Variants in RANBP3L observed in about 807,000 individuals in gnomAD.
RANBP3L encodes the protein RAN binding protein 3 like.
RANBP3L carries 56 observed loss-of-function variants against 67.2 expected under a neutral mutation model. That is an observed-to-expected ratio of 0.83 (90% CI 0.67 to 1.04). The LOEUF (loss-of-function observed/expected upper bound fraction) is 1.04, where lower values mean the gene tolerates loss of function less well. Among genes scored for constraint, RANBP3L ranks in the 50% least tolerant of loss-of-function variants. RANBP3L has a pLI of 0.00. For synonymous variants in RANBP3L, 164 were observed against 181.4 expected (o/e 0.90, Z 0.77); for missense variants, 496 against 535.5 (o/e 0.93, Z 0.73).
Position 36,293,978 on chromosome 5 carries a change from A to G in RANBP3L, c.91+7348T>C, listed in dbSNP as rs185096109. Among the ~76,000 whole-genome samples, 1,876 of 152,058 alleles carry G rather than the reference A, an allele frequency of 0.012. 168 individuals are homozygous for G. In the East Asian group the frequency reaches 0.23, roughly 19 times the overall value. Reference sequence around the variant, plus strand: ...TTGGAATAGTTTCAGAAGGAATGGTACCAGTTCCTCCTTGTACCTCTGATA... The same window carrying G: ...TTGGAATAGTTTCAGAAGGAATGGTGCCAGTTCCTCCTTGTACCTCTGATA... On this transcript the variant is annotated intron_variant, in intron 1 of 13. Transcript: ENST00000296604.
In RANBP3L at chr5:36,301,612, A is replaced by G. The variant is rs1752623427; in HGVS notation, c.-196T>C. On this transcript the variant is annotated 5_prime_UTR_variant, in exon 1 of 14. Coordinates refer to ENST00000296604, the MANE Select transcript of RANBP3L (RefSeq NM_145000.5). The stretch of plus-strand genomic sequence containing the variant: ...TGATTCTTGAAATAAATAATCACCA[A>G]TGTTACTTCTCCTAAATATAAAGAT... 1.2e-5 allele frequency: 6 copies of G among 492,502 alleles called. No individual in the cohort carries two copies. The highest frequency in any genetic ancestry group is 7.9e-5 in the South Asian group (2 of 25,348). The allele number at this position is 492,502 out of a possible 1,614,324, so 30.5% of individuals were successfully genotyped here. A position where few individuals can be genotyped will look rare whatever the true frequency, so the allele number is the denominator to read the frequency against.
At chr5:36,261,230 G>A (rs1024983945) in intron 7 of RANBP3L, among the ~76,000 whole-genome samples, 4 of 152,260 alleles carry the variant, frequency 2.6e-5, no homozygotes, top group East Asian at 3.9e-4. Context: ...AGCAACCAGA[G>A]ATCTCCAGGG....
In RANBP3L at chr5:36,260,149, C is replaced by G. The variant is rs966219895; in HGVS notation, c.669+631G>C. Among the ~76,000 whole-genome samples, 4 of 150,838 alleles carry G rather than the reference C, an allele frequency of 2.7e-5. No homozygotes were observed. In the East Asian group the frequency reaches 7.8e-4, roughly 29 times the overall value. ...TGGGCAGATGACGAGGTCAGGAGAT[C>G]GAGACCATCCTGGCTAAGACAGTGA... is the stretch of plus-strand genomic sequence containing the variant. On this transcript the variant is annotated intron_variant, in intron 8 of 13. Coordinates refer to ENST00000296604, the MANE Select transcript of RANBP3L (RefSeq NM_145000.5).
Position 36,248,481 on chromosome 5 carries a change from T to A in RANBP3L, c.*1173A>T, listed in dbSNP as rs1428376204. The A allele has an allele frequency of 6.6e-6, 1 of 152,168 alleles. No homozygotes were observed. The highest frequency in any genetic ancestry group is 1.9e-4 in the East Asian group (1 of 5,204). The allele number at this position is 152,168 out of a possible 1,614,324, so 9.4% of individuals were successfully genotyped here. Reference sequence around the variant, plus strand: ...TATTTTTATTATTTTATAACAGGTATGGTAACACAGTAATATAACTTTTGA... The same window carrying A: ...TATTTTTATTATTTTATAACAGGTAAGGTAACACAGTAATATAACTTTTGA... On this transcript the variant is annotated 3_prime_UTR_variant, in exon 14 of 14. Transcript: ENST00000296604.
At position 36,247,395 on chromosome 5, in the gene RANBP3L, T is replaced by G. The variant is rs1748352676; in HGVS notation, c.*2259A>C. Among the ~76,000 whole-genome samples, 1 of 152,254 alleles carries G rather than the reference T, an allele frequency of 6.6e-6. No homozygotes were observed. Among genetic ancestry groups the G allele is most frequent in the African/African-American group, 2.4e-5 (1 of 41,472 alleles). Reference sequence around the variant, plus strand: ...TTCTCTCTTTGCCTTGCTGATATTCTAACCCTACATTTGGTTTTGTTGCAC... The same window carrying G: ...TTCTCTCTTTGCCTTGCTGATATTCGAACCCTACATTTGGTTTTGTTGCAC... On this transcript the variant is annotated 3_prime_UTR_variant, in exon 14 of 14. Transcript: ENST00000296604.
Position 36,253,673 on chromosome 5 carries a change from A to G in RANBP3L, c.1141T>C (p.Tyr381His). The change falls in exon 12 of 14, where the codon TAT (tyrosine) becomes CAT (histidine). Residue 381 changes from tyrosine to histidine, a missense_variant. Transcript: ENST00000296604. The stretch of plus-strand genomic sequence containing the variant: ...TGAATTAAAAATATTTTGATGCTAT[A>G]GTCTTCTAAATCAGTAGCTGTTATT... ...VRITATDLED[Y>H]SIKIFLIQAS... 6.2e-7 allele frequency: 1 copy of G among 1,608,152 alleles called. No individual in the cohort carries two copies. Among genetic ancestry groups the G allele is most frequent in the Non-Finnish European group, 8.5e-7 (1 of 1,174,798 alleles).
chr5:36,295,590 A>ACAGCAGCT (rs1036560583), intron 1 of RANBP3L, among the ~76,000 whole-genome samples: 13 of 151,796 alleles, frequency 8.6e-5, no homozygotes, highest in African/African-American at 3.1e-4. Context: ...AGTACTTTTC[A>ACAGCAGCT]CAGCAGCTCC....
chr5:36,253,200 T>C (rs1285462798), intron 12 of RANBP3L, among the ~76,000 whole-genome samples: 1 of 152,112 alleles, frequency 6.6e-6, no homozygotes. Context: ...GCTGTTGGAC[T>C]GGTTGTTTTA....
At chr5:36,282,278 C>T (rs781163214) in intron 1 of RANBP3L, among the ~76,000 whole-genome samples, 2 of 152,076 alleles carry the variant, frequency 1.3e-5, no homozygotes, top group East Asian at 1.9e-4. Flanking sequence ...CAGGCACATA[C>T]GCAAGTCTAA....
chr5:36,285,492 G>A (rs1751258145), intron 1 of RANBP3L, among the ~76,000 whole-genome samples: 1 of 152,158 alleles, frequency 6.6e-6, no homozygotes, highest in African/African-American at 2.4e-5. Flanking sequence ...TCATCCCACA[G>A]GATCAGCCTC....
At chr5:36,288,594 C>T (rs1751488321) in intron 1 of RANBP3L, among the ~76,000 whole-genome samples, 2 of 152,112 alleles carry the variant, frequency 1.3e-5, no homozygotes, top group Non-Finnish European at 2.9e-5. Flanking sequence ...TTTCCAGCAG[C>T]GAGTGAGTTC....
Position 36,255,473 on chromosome 5 carries a change from G to T in RANBP3L, c.1021C>A (p.Leu341Ile). 1 of 1,608,394 alleles carries T rather than the reference G, an allele frequency of 6.2e-7. No homozygotes were observed. The highest frequency in any genetic ancestry group is 8.5e-7 in the Non-Finnish European group (1 of 1,177,052). The change falls in exon 11 of 14, where the codon CTA (leucine) becomes ATA (isoleucine). Residue 341 changes from leucine to isoleucine, a missense_variant. Coordinates refer to ENST00000296604, the MANE Select transcript of RANBP3L (RefSeq NM_145000.5). The stretch of plus-strand genomic sequence containing the variant: ...GCTTTACAAAAGGATTCCTTACTTA[G>T]TCTTGACTGTAATGTTCCACAGTCA... ...STDCGTLQSR[L>I]IMRNQGSLRL...
chr5:36,286,071 T>G (rs1751304950), intron 1 of RANBP3L, among the ~76,000 whole-genome samples: 1 of 152,208 alleles, frequency 6.6e-6, no homozygotes, highest in Admixed American at 6.5e-5. Context: ...TGAGCAAACC[T>G]TAAGGAACAA....
chr5:36,264,999 G>T lies in RANBP3L; in HGVS notation c.440C>A (p.Ala147Glu), dbSNP rs1266646903. ...TTCTTTAGTCTTGCAAGATTCCAGT[G>T]CCTTGTGTCCAAATGTTTTTCTTAC... Reference protein sequence around the residue: ...AKVRKTFGHKALESCKTKEKT... With the variant: ...AKVRKTFGHKELESCKTKEKT... The change falls in exon 6 of 14, where the codon GCA (alanine) becomes GAA (glutamate). Residue 147 changes from alanine to glutamate, a missense_variant. Coordinates refer to ENST00000296604, the MANE Select transcript of RANBP3L (RefSeq NM_145000.5). 1 of 1,613,660 alleles carries T rather than the reference G, an allele frequency of 6.2e-7. No individual in the cohort carries two copies. Among genetic ancestry groups the T allele is most frequent in the African/African-American group, 1.3e-5 (1 of 74,886 alleles).
intron 6 of RANBP3L, among the ~76,000 whole-genome samples, chr5:36,263,526 A>G (rs1365529192): frequency 1.3e-5 from 2 of 152,178 alleles, no homozygotes; most frequent in Non-Finnish European, 2.9e-5. Context: ...TATACTTTCT[A>G]TTACATAATT....
intron 1 of RANBP3L, among the ~76,000 whole-genome samples, chr5:36,279,257 G>A (rs1228754739): frequency 6.6e-6 from 1 of 152,120 alleles, no homozygotes; most frequent in Non-Finnish European, 1.5e-5. Context: ...GAGGAAGAAG[G>A]AATGTGTGCC....
chr5:36,279,198 A>G (rs530859761), intron 1 of RANBP3L, among the ~76,000 whole-genome samples: 1 of 152,270 alleles, frequency 6.6e-6, no homozygotes, highest in East Asian at 1.9e-4. Flanking sequence ...AACCCAACCT[A>G]TGTTGAAGTA....
intron 2 of RANBP3L, among the ~76,000 whole-genome samples, chr5:36,270,610 G>T (rs1750135881): frequency 6.6e-6 from 1 of 152,014 alleles, no homozygotes; most frequent in South Asian, 2.1e-4. Context: ...CTTGTCTCAG[G>T]CTCCCAAGTA....
In RANBP3L at chr5:36,247,818, G is replaced by C. The variant is rs185557604; in HGVS notation, c.*1836C>G. On this transcript the variant is annotated 3_prime_UTR_variant, in exon 14 of 14. Coordinates refer to ENST00000296604, the MANE Select transcript of RANBP3L (RefSeq NM_145000.5). ...CACGAGAATCCCTTGAACCCGGGAG[G>C]GGGAGGTTGAAGTGAGCCGAAATCG... 5.0e-4 allele frequency among the ~76,000 whole-genome samples: 76 copies of C among 152,306 alleles called. No individual in the cohort carries two copies. Among genetic ancestry groups the C allele is most frequent in the African/African-American group, 1.8e-3 (75 of 41,566 alleles).
Sources: gnomAD v4.1 joint callset for allele counts (sites outside exome capture counted in the v4.1 genomes callset) on GRCh38, gnomAD v4.1.1 for gene constraint, MANE v1.5 for transcripts, NCBI Gene and HGNC (gene_info 2026-07-23, HGNC 2026-07-21) for gene names.